Variants in TECRL observed in about 807,000 individuals in gnomAD.
The protein encoded by TECRL is trans-2,3-enoyl-CoA reductase-like.
In TECRL, 63 loss-of-function variants were observed where a neutral mutation model predicts 52.8. The ratio of observed to expected loss-of-function variants is 1.19; its 90% CI spans 0.97 to 1.47. The LOEUF (loss-of-function observed/expected upper bound fraction) is 1.47, where lower values mean the gene tolerates loss of function less well. Among genes scored for constraint, TECRL ranks in the 40% most tolerant of loss-of-function variants. The pLI, the probability that TECRL is intolerant of heterozygous loss-of-function variation, is 0.00. For missense variants in TECRL, 482 were observed against 429.6 expected, an observed-to-expected ratio of 1.12 and a Z score of -1.08; for synonymous variants, 164 against 141.9, an observed-to-expected ratio of 1.16 and a Z score of -1.10.
chr4:64,354,678 C>T lies in TECRL; in HGVS notation c.286+20494G>A, dbSNP rs112812841. On this transcript the variant is annotated intron_variant, in intron 2 of 11. Coordinates refer to ENST00000381210, the MANE Select transcript of TECRL (RefSeq NM_001010874.5). Reference sequence around the variant, plus strand: ...GATGGAATGGGGTCTGAGGTTTGCACGGTAAACCCAAGCATCTGTATTGAC... The same window carrying T: ...GATGGAATGGGGTCTGAGGTTTGCATGGTAAACCCAAGCATCTGTATTGAC... Among the ~76,000 whole-genome samples the T allele has an allele frequency of 3.4e-3, 518 of 152,144 alleles. 8 individuals carry two copies. The highest frequency in any genetic ancestry group is 0.011 in the African/African-American group (469 of 41,496).
intron 2 of TECRL, among the ~76,000 whole-genome samples, chr4:64,367,363 C>T (rs1454862281): frequency 2.0e-5 from 3 of 152,030 alleles, no homozygotes; most frequent in Admixed American, 6.6e-5. Context: ...AACAAACCTG[C>T]ACATGCACCC....
intron 5 of TECRL, among the ~76,000 whole-genome samples, chr4:64,311,708 C>T (rs1560489123): frequency 6.6e-6 from 1 of 152,124 alleles, no homozygotes; most frequent in African/African-American, 2.4e-5. Context: ...GCTAACTCAT[C>T]AAGTCTGATT....
intron 1 of TECRL, among the ~76,000 whole-genome samples, chr4:64,382,325 T>TTA (rs531694849): frequency 5.2e-4 from 75 of 144,972 alleles, no homozygotes; most frequent in African/African-American, 1.6e-3. Flanking sequence ...TATATCTATA[T>TTA]TATATATATA....
intron 2 of TECRL, among the ~76,000 whole-genome samples, chr4:64,350,310 G>GA (rs1388532208): frequency 6.6e-6 from 1 of 152,116 alleles, no homozygotes; most frequent in African/African-American, 2.4e-5. Flanking sequence ...GATGCTTTCA[G>GA]AAAAATGTCC....
intron 2 of TECRL, among the ~76,000 whole-genome samples, chr4:64,372,221 A>G (rs1722026394): frequency 6.6e-6 from 1 of 151,846 alleles, no homozygotes; most frequent in African/African-American, 2.4e-5. Flanking sequence ...AAGTGTTAAG[A>G]AACAAATAGA....
chr4:64,293,611 G>C (rs984862266), intron 8 of TECRL, among the ~76,000 whole-genome samples: 1 of 151,968 alleles, frequency 6.6e-6, no homozygotes, highest in African/African-American at 2.4e-5. Flanking sequence ...CTAAAGCAAG[G>C]GGTCGAGGGA....
At position 64,409,448 on chromosome 4, in the gene TECRL, G is replaced by A. The variant is rs1230969517; in HGVS notation, c.-97C>T. The A allele has an allele frequency of 1.3e-6, 2 of 1,506,400 alleles. No individual in the cohort carries two copies. Among genetic ancestry groups the A allele is most frequent in the East Asian group, 4.6e-5 (2 of 43,520 alleles). The allele number at this position is 1,506,400 out of a possible 1,614,324, so 93.3% of individuals were successfully genotyped here. On this transcript the variant is annotated 5_prime_UTR_variant, in exon 1 of 12. Transcript: ENST00000381210. ...AAATACTGCTGGAGAACCTTTGAAA[G>A]GTCAAATGGTATGCCATTCCAAGAG... is the stretch of plus-strand genomic sequence containing the variant.
At chr4:64,283,181 A>G (rs1282043449) in intron 9 of TECRL, among the ~76,000 whole-genome samples, 1 of 152,064 alleles carries the variant, frequency 6.6e-6, no homozygotes, top group Admixed American at 6.6e-5. Context: ...GTCCCATGCA[A>G]TCATTGGAGA....
chr4:64,355,580 CG>C (rs1720707280), intron 2 of TECRL, among the ~76,000 whole-genome samples: 1 of 151,778 alleles, frequency 6.6e-6, no homozygotes, highest in African/African-American at 2.4e-5. Flanking sequence ...GGGCAGATGA[CG>C]ATGTCAGGAG....
chr4:64,280,437 G>A (rs1321116882), intron 11 of TECRL, among the ~76,000 whole-genome samples: 2 of 151,910 alleles, frequency 1.3e-5, no homozygotes, highest in Non-Finnish European at 2.9e-5. Flanking sequence ...ATATACCACT[G>A]CCACAAAATA....
At chr4:64,360,719 G>A (rs4860154) in intron 2 of TECRL, among the ~76,000 whole-genome samples, 136,703 of 152,082 alleles carry the variant, frequency 0.9, 62,094 homozygotes, top group East Asian at 1. Flanking sequence ...GCCAAGCATT[G>A]GGACTCATTC....
chr4:64,359,406 A>G (rs1237767118), intron 2 of TECRL, among the ~76,000 whole-genome samples: 2 of 152,054 alleles, frequency 1.3e-5, no homozygotes, highest in African/African-American at 4.8e-5. Context: ...CAAATAGAAT[A>G]AATGATTCTG....
At position 64,361,298 on chromosome 4, in the gene TECRL, C is replaced by T. The variant is rs143535930; in HGVS notation, c.286+13874G>A. On this transcript the variant is annotated intron_variant, in intron 2 of 11. Coordinates refer to ENST00000381210, the MANE Select transcript of TECRL (RefSeq NM_001010874.5). ...ACCTGCCACTTTAGTGACTTATACG[C>T]ATACACAGAACACCTACCTGATGAA... Among the ~76,000 whole-genome samples, 396 of 152,294 alleles carry T rather than the reference C, an allele frequency of 2.6e-3. 3 individuals are homozygous for T. The highest frequency in any genetic ancestry group is 8.3e-3 in the African/African-American group (346 of 41,576).
Position 64,331,692 on chromosome 4 carries a change from A to AATTT in TECRL, c.287-3140_287-3137dup, listed in dbSNP as rs1011501629. Among the ~76,000 whole-genome samples the AATTT allele has an allele frequency of 6.1e-4, 93 of 152,218 alleles. No homozygotes were observed. The Middle Eastern group carries it at 0.01, about 17-fold the overall frequency. On this transcript the variant is annotated intron_variant, in intron 2 of 11. Coordinates refer to ENST00000381210, the MANE Select transcript of TECRL (RefSeq NM_001010874.5). ...GATTTTTTGAGAAAAGATCAAATAA[A>AATTT]ATTTATTGAAATAAAACCTTTTGTA... is the stretch of plus-strand genomic sequence containing the variant.
Position 64,309,804 on chromosome 4 carries a change from T to G in TECRL, c.657+22A>C, listed in dbSNP as rs374074176. The G allele has an allele frequency of 1.8e-4, 263 of 1,447,996 alleles. 1 individual carries two copies. The African/African-American group carries it at 3.3e-3, about 18-fold the overall frequency. 89.7% of individuals were successfully genotyped at this position (1,447,996 alleles called of 1,614,324 possible). On this transcript the variant is annotated intron_variant, in intron 6 of 11. Transcript: ENST00000381210. ...ACATATAAAATGTCTCAATCATTAT[T>G]AAAAACACAAAGCATCCTCACCATT...
chr4:64,320,244 G>A (rs1385176596), intron 4 of TECRL, among the ~76,000 whole-genome samples: 4 of 151,830 alleles, frequency 2.6e-5, no homozygotes, highest in Admixed American at 2.6e-4. Context: ...CACACTGTTA[G>A]TTGGAGAAAA....
chr4:64,407,440 G>A (rs1023049144), intron 1 of TECRL, among the ~76,000 whole-genome samples: 1 of 151,382 alleles, frequency 6.6e-6, no homozygotes, highest in African/African-American at 2.4e-5. Context: ...ATATGAATAA[G>A]AAAAAATTTA....
At chr4:64,371,311 T>A (rs1224185585) in intron 2 of TECRL, among the ~76,000 whole-genome samples, 2 of 151,180 alleles carry the variant, frequency 1.3e-5, no homozygotes, top group East Asian at 3.9e-4. Context: ...TAAATTATAA[T>A]TATAACTAAA....
intron 8 of TECRL, 42 bp from the exon 9 acceptor site, chr4:64,289,809 C>A: frequency 1.5e-6 from 2 of 1,329,438 alleles, no homozygotes; most frequent in Non-Finnish European, 2.0e-6. Context: ...TACACCTCTG[C>A]CTATTTTTTA....
Sources: gnomAD v4.1 joint callset for allele counts (sites outside exome capture counted in the v4.1 genomes callset) on GRCh38, gnomAD v4.1.1 for gene constraint, MANE v1.5 for transcripts, NCBI Gene and HGNC (gene_info 2026-07-23, HGNC 2026-07-21) for gene names.